The following RBFOX1 variants were observed in gnomAD, a reference collection of about 807,000 sequenced individuals.
The protein encoded by RBFOX1 is RNA binding protein fox-1 homolog 1.
In RBFOX1, 8 loss-of-function variants were observed where a neutral mutation model predicts 57.7. The ratio of observed to expected loss-of-function variants is 0.14; its 90% CI spans 0.08 to 0.25. The LOEUF (loss-of-function observed/expected upper bound fraction) is 0.25. Among genes scored for constraint, RBFOX1 ranks in the 10% least tolerant of loss-of-function variants. The pLI is 1.00. For synonymous variants in RBFOX1, 326 were observed against 222.4 expected (o/e 1.47, Z -4.15); for missense variants, 611 against 548.5 (o/e 1.11, Z -1.14).
intron 7 of RBFOX1, among the ~76,000 whole-genome samples, chr16:7,588,677 G>T (rs1349638589): frequency 6.6e-6 from 1 of 152,212 alleles, no homozygotes; most frequent in African/African-American, 2.4e-5. Flanking sequence ...CGGAGGGTCA[G>T]TAAGCGGTGC....
intron 3 of RBFOX1, among the ~76,000 whole-genome samples, chr16:6,697,665 A>C (rs961036648): frequency 2.0e-5 from 3 of 152,194 alleles, no homozygotes; most frequent in Admixed American, 2.0e-4. Context: ...TCTGGATTAA[A>C]AGGGGAAGAA....
chr16:7,589,518 G>A (rs1183836698), intron 7 of RBFOX1, among the ~76,000 whole-genome samples: 1 of 151,466 alleles, frequency 6.6e-6, no homozygotes, highest in Non-Finnish European at 1.5e-5. Flanking sequence ...TTATTCTTTT[G>A]GTTTAGGAAA....
At position 7,689,441 on chromosome 16, in the gene RBFOX1, C is replaced by T. The variant is rs184763459; in HGVS notation, c.995+12603C>T. Among the ~76,000 whole-genome samples, 615 of 152,210 alleles carry T rather than the reference C, an allele frequency of 4.0e-3. 4 individuals are homozygous for T. The highest frequency in any genetic ancestry group is 0.022 in the South Asian group (107 of 4,822). ...AGGCGTGATTCCCTCACAGCAGAAT[C>T]TGCTACCTACAGAACAGTGAAAATG... On this transcript the variant is annotated intron_variant, in intron 14 of 15. Transcript: ENST00000550418.
At chr16:5,295,500 G>A (rs562277809) in intron 1 of RBFOX1, among the ~76,000 whole-genome samples, 2 of 152,294 alleles carry the variant, frequency 1.3e-5, no homozygotes, top group South Asian at 4.1e-4. Context: ...GTTCTCATCT[G>A]GAGGCTTGAC....
chr16:5,260,892 T>C (rs924279411), intron 1 of RBFOX1: 5 of 152,410 alleles, frequency 3.3e-5, no homozygotes, highest in Admixed American at 2.6e-4. Context: ...AAATGGGTTC[T>C]GAGTCCAAAT....
chr16:5,756,277 C>G (rs1251290789), intron 3 of RBFOX1, among the ~76,000 whole-genome samples: 1 of 135,006 alleles, frequency 7.4e-6, no homozygotes, highest in African/African-American at 2.8e-5. Context: ...AGTGTATGGA[C>G]ATATGAAATG....
At chr16:7,383,117 A>G (rs543283068) in intron 4 of RBFOX1, among the ~76,000 whole-genome samples, 160 of 152,274 alleles carry the variant, frequency 1.1e-3, no homozygotes, top group Non-Finnish European at 2.0e-3. Context: ...GCAGGTGTTC[A>G]TGGTACAGTC....
Position 7,610,057 on chromosome 16 carries a change from C to T in RBFOX1, c.676+2719C>T, listed in dbSNP as rs376742621. Among the ~76,000 whole-genome samples the T allele has an allele frequency of 8.0e-5, 12 of 150,396 alleles. 1 individual carries two copies. In the East Asian group the frequency reaches 2.0e-3, roughly 25 times the overall value. Reference sequence around the variant, plus strand: ...GGTCTCCATCTCCTGACCTCATGATCCGCCCTCCTCGGCCTCCTGAAGTGC... The same window carrying T: ...GGTCTCCATCTCCTGACCTCATGATTCGCCCTCCTCGGCCTCCTGAAGTGC... On this transcript the variant is annotated intron_variant, in intron 10 of 15. Transcript: ENST00000550418.
Position 6,026,299 on chromosome 16 carries a change from C to T in RBFOX1, c.-127+6307C>T, listed in dbSNP as rs144771580. Among the ~76,000 whole-genome samples the T allele has an allele frequency of 1.8e-3, 268 of 152,336 alleles. 1 individual carries two copies. The highest frequency in any genetic ancestry group is 3.2e-3 in the Non-Finnish European group (220 of 68,038). On this transcript the variant is annotated intron_variant, in intron 1 of 15. Coordinates refer to ENST00000550418, the MANE Select transcript of RBFOX1 (RefSeq NM_018723.4). ...GGTGCAAGGCACACAGCAGAAGCCC[C>T]ATATGGAAATAATGAATTATTCCAT...
chr16:5,781,530 T>G (rs1421388077), intron 3 of RBFOX1, among the ~76,000 whole-genome samples: 1 of 151,840 alleles, frequency 6.6e-6, no homozygotes, highest in South Asian at 2.1e-4. Flanking sequence ...ATTGGCAAAC[T>G]TTTTTCTGTA....
intron 3 of RBFOX1, among the ~76,000 whole-genome samples, chr16:6,870,308 C>G (rs1005967443): frequency 6.6e-6 from 1 of 152,122 alleles, no homozygotes; most frequent in African/African-American, 2.4e-5. Context: ...TTTGTCAGCA[C>G]TACTGAAATT....
intron 2 of RBFOX1, among the ~76,000 whole-genome samples, chr16:5,506,172 G>A (rs1305790124): frequency 2.0e-5 from 3 of 152,134 alleles, no homozygotes; most frequent in African/African-American, 7.2e-5. Context: ...TGTCTTCACA[G>A]TGTTCCGGGA....
chr16:6,575,006 C>G (rs1234904672), intron 2 of RBFOX1, among the ~76,000 whole-genome samples: 1 of 149,844 alleles, frequency 6.7e-6, no homozygotes, highest in Admixed American at 6.7e-5. Flanking sequence ...CCACTGCACT[C>G]CAGCTTGGGG....
At chr16:6,244,086 C>G (rs759339699) in intron 1 of RBFOX1, among the ~76,000 whole-genome samples, 3 of 152,036 alleles carry the variant, frequency 2.0e-5, no homozygotes, top group Admixed American at 6.6e-5. Context: ...ATCTTGCCAT[C>G]TTTACTAAAT....
rs142493908 is a variant in RBFOX1 at position 5,900,609 on chromosome 16, C to T, written c.351+33274C>T. On this transcript the variant is annotated intron_variant, in intron 4 of 19. Transcript: ENST00000641259. ...CAGCCAGTTCCTCATCCGTATTCTT[C>T]CCAGGCCATCCCTCTAGCCCAGCAA... is the stretch of plus-strand genomic sequence containing the variant. Among the ~76,000 whole-genome samples the T allele has an allele frequency of 5.7e-3, 865 of 152,284 alleles. 10 individuals carry two copies. Among genetic ancestry groups the T allele is most frequent in the Non-Finnish European group, 5.9e-3 (404 of 68,034 alleles).
chr16:6,375,302 A>C lies in RBFOX1; in HGVS notation c.-64+58245A>C, dbSNP rs535413676. 6.2e-3 allele frequency among the ~76,000 whole-genome samples: 946 copies of C among 152,214 alleles called. 7 individuals are homozygous for C. Among genetic ancestry groups the C allele is most frequent in the African/African-American group, 0.022 (900 of 41,482 alleles). On this transcript the variant is annotated intron_variant, in intron 2 of 15. Transcript: ENST00000550418. ...GCCAGAGTGGGGAAAAAAAACAAAAACAAAAACAAAAACCACCTTCCCTGT... is the reference window on the plus strand; with the variant it reads ...GCCAGAGTGGGGAAAAAAAACAAAACCAAAAACAAAAACCACCTTCCCTGT...
At chr16:6,801,069 G>A (rs2085319741) in intron 3 of RBFOX1, among the ~76,000 whole-genome samples, 1 of 151,974 alleles carries the variant, frequency 6.6e-6, no homozygotes, top group South Asian at 2.1e-4. Flanking sequence ...TCAGACGGAG[G>A]ACTTGTTAAA....
chr16:5,753,587 C>T (rs991008660), intron 3 of RBFOX1, among the ~76,000 whole-genome samples: 5 of 151,884 alleles, frequency 3.3e-5, no homozygotes, highest in Admixed American at 2.0e-4. Flanking sequence ...TGGCGAGAGC[C>T]GATTGTGAAA....
intron 5 of RBFOX1, among the ~76,000 whole-genome samples, chr16:7,578,387 C>G (rs1033903291): frequency 1.3e-5 from 2 of 152,202 alleles, no homozygotes; most frequent in African/African-American, 4.8e-5. Context: ...GATACCAGAG[C>G]ATCTTGGAAG....
Sources: gnomAD v4.1 joint callset for allele counts (sites outside exome capture counted in the v4.1 genomes callset) on GRCh38, gnomAD v4.1.1 for gene constraint, MANE v1.5 for transcripts, NCBI Gene and HGNC (gene_info 2026-07-23, HGNC 2026-07-21) for gene names.